Variants in MEI4 observed in about 807,000 individuals in gnomAD.
MEI4 encodes the protein meiosis-specific protein MEI4.
Under a neutral mutation model 31.4 loss-of-function variants are expected in MEI4, and 27 were observed. The observed-to-expected ratio is 0.86, with a 90% CI of 0.63 to 1.19. The LOEUF (loss-of-function observed/expected upper bound fraction) is 1.19. Among genes scored for constraint, MEI4 ranks in the 50% most tolerant of loss-of-function variants. The probability of loss-of-function intolerance (pLI) is 0.00; values close to 1 mark genes in which losing one functional copy is unlikely to be tolerated. For synonymous variants in MEI4, 122 were observed against 145.4 expected, an observed-to-expected ratio of 0.84 and a Z score of 1.16; for missense variants, 329 against 398.9, an observed-to-expected ratio of 0.82 and a Z score of 1.49.
chr6:77,727,277 G>T (rs1766850961), intron 2 of MEI4, among the ~76,000 whole-genome samples: 1 of 152,156 alleles, frequency 6.6e-6, no homozygotes. Flanking sequence ...GATGACTGAT[G>T]CATATTATGG....
At position 77,926,775 on chromosome 6, in the gene MEI4, A is replaced by G. The variant is rs761918183; in HGVS notation, c.*3429A>G. On this transcript the variant is annotated 3_prime_UTR_variant, in exon 5 of 5. Transcript: ENST00000684080. Reference sequence around the variant, plus strand: ...AGCTTTAACTTTTGTCAGATTTATGAAACCAAGCTTTCTCTTAGCAGTCAA... The same window carrying G: ...AGCTTTAACTTTTGTCAGATTTATGGAACCAAGCTTTCTCTTAGCAGTCAA... 1.3e-5 allele frequency: 2 copies of G among 151,994 alleles called. No homozygotes were observed. Among genetic ancestry groups the G allele is most frequent in the Non-Finnish European group, 2.9e-5 (2 of 67,958 alleles). The allele number at this position is 151,994 out of a possible 1,614,324, so 9.4% of individuals were successfully genotyped here.
chr6:77,916,698 TGTATCCATTCAA>T (rs1443139020), intron 4 of MEI4, among the ~76,000 whole-genome samples: 1 of 152,110 alleles, frequency 6.6e-6, no homozygotes, highest in Non-Finnish European at 1.5e-5. Flanking sequence ...GAAACCAGTA[TGTATCCATTCAA>T]GTTTTATTAT....
At chr6:77,690,423 T>G (rs1287188212) in intron 1 of MEI4, among the ~76,000 whole-genome samples, 1 of 152,042 alleles carries the variant, frequency 6.6e-6, no homozygotes, top group Admixed American at 6.6e-5. Context: ...AGTTGTCAAA[T>G]TGTCTAAACC....
chr6:77,713,589 G>A (rs1311398898), intron 2 of MEI4, among the ~76,000 whole-genome samples: 1 of 152,196 alleles, frequency 6.6e-6, no homozygotes, highest in Non-Finnish European at 1.5e-5. Context: ...AAGATCCTCA[G>A]TGTGTTATGG....
chr6:77,894,880 G>A (rs1372519383), intron 4 of MEI4, among the ~76,000 whole-genome samples: 12 of 152,180 alleles, frequency 7.9e-5, no homozygotes, highest in Admixed American at 7.9e-4. Flanking sequence ...TATTTTGCCT[G>A]GTTGGGCAGA....
chr6:77,707,312 A>G (rs1164265619), intron 2 of MEI4, among the ~76,000 whole-genome samples: 1 of 152,188 alleles, frequency 6.6e-6, no homozygotes, highest in Non-Finnish European at 1.5e-5. Flanking sequence ...TAAGAGTCAT[A>G]ATGTGCAGTA....
At chr6:77,653,496 C>A (rs1181472453) in intron 1 of MEI4, among the ~76,000 whole-genome samples, 3 of 152,142 alleles carry the variant, frequency 2.0e-5, no homozygotes, top group Admixed American at 1.3e-4. Context: ...CATATATCTT[C>A]AGGGAAATGA....
rs1240676613 is a variant in MEI4, at chr6:77,923,397, A to G, written c.*51A>G. 1.8e-5 allele frequency: 22 copies of G among 1,201,138 alleles called. No homozygotes were observed. Among genetic ancestry groups the G allele is most frequent in the Non-Finnish European group, 2.2e-5 (21 of 960,784 alleles). The allele number at this position is 1,201,138 out of a possible 1,614,324, so 74.4% of individuals were successfully genotyped here. A position where few individuals can be genotyped will look rare whatever the true frequency, so the allele number is the denominator to read the frequency against. ...TTTGAAGCATAATAAAGTAGAATAT[A>G]TGAAAATCTCATACTGAAAAGATTT... On this transcript the variant is annotated 3_prime_UTR_variant, in exon 5 of 5. Transcript: ENST00000684080.
In MEI4 at chr6:77,711,263, G is replaced by A. The variant is rs532121039; in HGVS notation, c.232+20360G>A. Among the ~76,000 whole-genome samples the A allele has an allele frequency of 4.6e-5, 7 of 152,172 alleles. No individual in the cohort carries two copies. In the South Asian group the frequency reaches 8.3e-4, roughly 18 times the overall value. On this transcript the variant is annotated intron_variant, in intron 2 of 4. Transcript: ENST00000684080. ...ATAGTCTTACCACAGAAAATGCTAA[G>A]TATGTGAGGTGATATATATGTTAAT... is the stretch of plus-strand genomic sequence containing the variant.
chr6:77,737,683 G>C (rs1220130453), intron 2 of MEI4, among the ~76,000 whole-genome samples: 1 of 152,176 alleles, frequency 6.6e-6, no homozygotes, highest in Non-Finnish European at 1.5e-5. Flanking sequence ...GGAGTGAGGA[G>C]AGCATCACAG....
At chr6:77,869,400 T>A (rs1771140576) in intron 4 of MEI4, among the ~76,000 whole-genome samples, 1 of 152,140 alleles carries the variant, frequency 6.6e-6, no homozygotes, top group African/African-American at 2.4e-5. Flanking sequence ...TAAGTTAAAA[T>A]GGATCCTTTA....
intron 4 of MEI4, among the ~76,000 whole-genome samples, chr6:77,920,024 A>G (rs1766666442): frequency 1.4e-5 from 2 of 147,098 alleles, no homozygotes; most frequent in African/African-American, 5.0e-5. Flanking sequence ...ACCAACCAAA[A>G]AGAGTCCAGG....
chr6:77,828,526 G>T (rs62425061), intron 3 of MEI4, among the ~76,000 whole-genome samples: 25,614 of 151,888 alleles, frequency 0.17, 2,742 homozygotes, highest in Non-Finnish European at 0.22. Context: ...TGGAAAAATT[G>T]TCTTCCACAA....
intron 2 of MEI4, among the ~76,000 whole-genome samples, chr6:77,700,013 G>T (rs925667936): frequency 1.3e-5 from 2 of 152,196 alleles, no homozygotes; most frequent in Non-Finnish European, 2.9e-5. Context: ...CCTACTGTGG[G>T]GTGCCTCCCA....
At chr6:77,904,114 AT>A (rs1188275146) in intron 4 of MEI4, among the ~76,000 whole-genome samples, 2 of 151,490 alleles carry the variant, frequency 1.3e-5, no homozygotes, top group African/African-American at 4.8e-5. Flanking sequence ...TATTTTGTAC[AT>A]TTTTTTCCTT....
chr6:77,741,651 G>A (rs1229916950), intron 2 of MEI4, among the ~76,000 whole-genome samples: 2 of 151,544 alleles, frequency 1.3e-5, no homozygotes, highest in African/African-American at 2.4e-5. Flanking sequence ...TAAGTTTTAG[G>A]GTACATGTGC....
intron 3 of MEI4, among the ~76,000 whole-genome samples, chr6:77,826,999 A>G (rs954090518): frequency 6.6e-6 from 1 of 152,140 alleles, no homozygotes; most frequent in African/African-American, 2.4e-5. Context: ...TGGGAATGCT[A>G]CATTTACAGG....
chr6:77,694,383 G>A (rs893697356), intron 2 of MEI4, among the ~76,000 whole-genome samples: 1 of 151,772 alleles, frequency 6.6e-6, no homozygotes, highest in Non-Finnish European at 1.5e-5. Context: ...TTTAGCATTA[G>A]GTATATCTCC....
chr6:77,760,686 C>T (rs1281834317), intron 2 of MEI4, among the ~76,000 whole-genome samples: 1 of 152,136 alleles, frequency 6.6e-6, no homozygotes, highest in Non-Finnish European at 1.5e-5. Context: ...ATGACCTCTT[C>T]CAGGATACAC....
Sources: gnomAD v4.1 joint callset for allele counts (sites outside exome capture counted in the v4.1 genomes callset) on GRCh38, gnomAD v4.1.1 for gene constraint, MANE v1.5 for transcripts, NCBI Gene and HGNC (gene_info 2026-07-23, HGNC 2026-07-21) for gene names.